Variants in CATSPERG observed in about 807,000 individuals in gnomAD.
The protein encoded by CATSPERG is catsper channel auxiliary subunit gamma, also known as cation channel sperm-associated auxiliary subunit gamma.
A neutral mutation model predicts 145.0 loss-of-function variants in CATSPERG; 115 were observed. That is an observed-to-expected ratio of 0.79 (90% CI 0.68 to 0.93). CATSPERG has a LOEUF of 0.93. Ranked by LOEUF, CATSPERG falls within the 40% of genes least tolerant of loss-of-function variation. CATSPERG has a pLI of 0.00. For missense variants in CATSPERG, 1,296 were observed against 1,490.1 expected (o/e 0.87, Z 2.14); for synonymous variants, 588 against 589.0 (o/e 1.00, Z 0.02).
chr19:38,337,060 C>A, intron 1 of CATSPERG, 161 bp from the exon 2 acceptor site: 1 of 820,394 alleles, frequency 1.2e-6, no homozygotes, highest in Non-Finnish European at 1.9e-6. Context: ...GGAGCAAGAG[C>A]AGGGGCGGGA....
chr19:38,358,030 A>G, intron 11 of CATSPERG: 1 of 498,182 alleles, frequency 2.0e-6, no homozygotes, highest in East Asian at 3.5e-5. Flanking sequence ...AGGTGGGAGG[A>G]TCACTTGAAC....
chr19:38,356,947 C>T (rs1244563504), intron 11 of CATSPERG, 86 bp downstream of exon 11: 4 of 1,543,198 alleles, frequency 2.6e-6, no homozygotes, highest in Middle Eastern at 1.8e-4. Context: ...GATCTGTGCC[C>T]AGCAGACAGA....
intron 13 of CATSPERG, among the ~76,000 whole-genome samples, chr19:38,359,146 G>A (rs968385293): frequency 3.3e-5 from 5 of 151,860 alleles, no homozygotes; most frequent in African/African-American, 1.2e-4. Flanking sequence ...CACCATGCCC[G>A]GCTAATTGAC....
chr19:38,337,447 G>T lies in CATSPERG; in HGVS notation c.213G>T (p.Val71=). 1 of 1,552,144 alleles carries T rather than the reference G, an allele frequency of 6.4e-7. No homozygotes were observed. Among genetic ancestry groups the T allele is most frequent in the Admixed American group, 2.0e-5 (1 of 50,992 alleles). Residue 71 remains valine, a synonymous_variant, in exon 2 of 29, where the codon GTG becomes GTT. Coordinates refer to ENST00000409235, the MANE Select transcript of CATSPERG (RefSeq NM_021185.5). ...VSDSFFEQEP[V]DTVSSLFHML... is the part of the protein sequence containing the mutation. ...ACAGCTTCTTTGAGCAAGAGCCCGT[G>T]GACACAGTGAGCAGCTTGTTTCACA...
intron 17 of CATSPERG, 109 bp downstream of exon 17, chr19:38,361,970 G>C: frequency 1.8e-6 from 1 of 562,028 alleles, no homozygotes; most frequent in Non-Finnish European, 3.1e-6. Context: ...TGGAGAACAG[G>C]ACTGGTGGTG....
At position 38,370,663 on chromosome 19, in the gene CATSPERG, C is replaced by T. The variant is rs1272192406; in HGVS notation, c.3351C>T (p.Tyr1117=). Residue 1117 remains tyrosine, a synonymous_variant, in exon 29 of 29, where the codon TAC becomes TAT. Coordinates refer to ENST00000409235, the MANE Select transcript of CATSPERG (RefSeq NM_021185.5). ...TTGCCTCAGAATCCTACTACACCTACGCCTCCATTTCCGGAATCTCGAGCA... is the reference window on the plus strand; with the variant it reads ...TTGCCTCAGAATCCTACTACACCTATGCCTCCATTTCCGGAATCTCGAGCA... ...NLIASESYYT[Y]ASISGISSMP... 39 of 1,614,106 alleles carry T rather than the reference C, an allele frequency of 2.4e-5. No homozygotes were observed. The highest frequency in any genetic ancestry group is 1.6e-4 in the Middle Eastern group (1 of 6,062).
chr19:38,337,073 A>G (rs1969852278), intron 1 of CATSPERG, 148 bp from the exon 2 acceptor site: 2 of 953,512 alleles, frequency 2.1e-6, no homozygotes, highest in African/African-American at 1.6e-5. Context: ...GGGCGGGACC[A>G]AGAGCAAGTG....
chr19:38,368,392 T>G (rs1312582453), intron 26 of CATSPERG, among the ~76,000 whole-genome samples: 1 of 152,192 alleles, frequency 6.6e-6, no homozygotes, highest in Non-Finnish European at 1.5e-5. Flanking sequence ...CAATTGTCCC[T>G]TCATGGCTCC....
At chr19:38,365,459 A>G in intron 22 of CATSPERG, 1 of 250,622 alleles carries the variant, frequency 4.0e-6, no homozygotes, top group Non-Finnish European at 7.9e-6. Flanking sequence ...TTTAGTGGAG[A>G]CAGAGTTTTT....
rs868298373 is a variant in CATSPERG, at chr19:38,367,502, C to T, written c.2771-7C>T. 2.5e-6 allele frequency: 4 copies of T among 1,613,726 alleles called. No homozygotes were observed. The highest frequency in any genetic ancestry group is 8.5e-7 in the Non-Finnish European group (1 of 1,179,796). On this transcript the variant is annotated splice_polypyrimidine_tract_variant and splice_region_variant and intron_variant, in intron 23 of 28. Transcript: ENST00000409235. ...TCTTCTGGTCTCAATCCCCTCCAAC[C>T]CCATAGTTTTCTACCCCTTCTTCTT... is the stretch of plus-strand genomic sequence containing the variant.
At chr19:38,359,804 G>A (rs1403663873) in intron 14 of CATSPERG, 9 of 1,289,628 alleles carry the variant, frequency 7.0e-6, no homozygotes, top group African/African-American at 3.0e-5. Flanking sequence ...GTTCAGAGGC[G>A]GCCCTCTTTC....
At chr19:38,343,815 T>G in intron 4 of CATSPERG, 91 bp downstream of exon 4, 1 of 1,445,510 alleles carries the variant, frequency 6.9e-7, no homozygotes, top group East Asian at 2.5e-5. Flanking sequence ...GAGGAGGGTA[T>G]GTGGGGGGCG....
chr19:38,367,062 T>C, intron 22 of CATSPERG, 94 bp from the exon 23 acceptor site: 2 of 1,206,866 alleles, frequency 1.7e-6, no homozygotes, highest in East Asian at 5.1e-5. Context: ...GTGGTGGTGT[T>C]TGTGGGAGGG....
intron 7 of CATSPERG, among the ~76,000 whole-genome samples, chr19:38,350,969 A>G (rs1970128989): frequency 6.6e-6 from 1 of 152,150 alleles, no homozygotes; most frequent in Non-Finnish European, 1.5e-5. Context: ...AACCTGGGTG[A>G]CAGAGTGAGA....
In CATSPERG at chr19:38,367,541, G is replaced by T; in HGVS notation, c.2803G>T (p.Val935Leu). 1 of 1,614,070 alleles carries T rather than the reference G, an allele frequency of 6.2e-7. No homozygotes were observed. The highest frequency in any genetic ancestry group is 8.5e-7 in the Non-Finnish European group (1 of 1,180,032). The change falls in exon 24 of 29, where the codon GTG (valine) becomes TTG (leucine). Residue 935 changes from valine (V) to leucine (L), a missense_variant. By Grantham distance (32) the Val-to-Leu change is conservative (BLOSUM62 1). Coordinates refer to ENST00000409235, the MANE Select transcript of CATSPERG (RefSeq NM_021185.5). Reference protein sequence around the residue: ...FYPFFLIQDLVTGDSGSFQGS... With the variant: ...FYPFFLIQDLLTGDSGSFQGS... Reference sequence around the variant, plus strand: ...CCCCTTCTTCTTGATTCAAGATTTGGTGACAGGAGACTCCGGCAGTTTCCA... The same window carrying T: ...CCCCTTCTTCTTGATTCAAGATTTGTTGACAGGAGACTCCGGCAGTTTCCA...
intron 9 of CATSPERG, 24 bp from the exon 10 acceptor site, chr19:38,356,460 C>T: frequency 6.2e-7 from 1 of 1,613,002 alleles, no homozygotes; most frequent in Non-Finnish European, 8.5e-7. Context: ...AGGGCCTGAA[C>T]ATGAACCCGA....
At chr19:38,367,396 C>T (rs1970469976) in intron 23 of CATSPERG, 84 bp downstream of exon 23, 5 of 1,561,360 alleles carry the variant, frequency 3.2e-6, no homozygotes, top group East Asian at 4.5e-5. Flanking sequence ...TTCCTCTCCC[C>T]GCAGACTACC....
chr19:38,347,664 G>A (rs147288113), intron 7 of CATSPERG, among the ~76,000 whole-genome samples: 2 of 152,276 alleles, frequency 1.3e-5, no homozygotes, highest in Non-Finnish European at 2.9e-5. Flanking sequence ...ACCCACAGCC[G>A]GTGCAGTGGC....
At chr19:38,352,203 G>A in intron 7 of CATSPERG, 58 bp from the exon 8 acceptor site, 1 of 1,513,990 alleles carries the variant, frequency 6.6e-7, no homozygotes. Flanking sequence ...CCGCAAGGCA[G>A]GACATGGGGG....
Sources: allele counts gnomAD v4.1 joint callset (sites outside exome capture counted in the v4.1 genomes callset), GRCh38; gene constraint gnomAD v4.1.1; transcripts MANE v1.5; gene names NCBI Gene and HGNC (gene_info 2026-07-23, HGNC 2026-07-21).